ZNF536: variants seen among roughly 807,000 people sequenced by gnomAD.
The protein encoded by ZNF536 is zinc finger protein 536.
In ZNF536, 13 loss-of-function variants were observed where a neutral mutation model predicts 84.5. The ratio of observed to expected loss-of-function variants is 0.15; its 90% confidence interval spans 0.10 to 0.24. The LOEUF is 0.24. Ranked by LOEUF, ZNF536 falls within the 10% of genes least tolerant of loss-of-function variation. The pLI, the probability that ZNF536 is intolerant of heterozygous loss-of-function variation, is 1.00. For missense variants in ZNF536, 1,536 were observed against 1,747.5 expected (o/e 0.88, Z 2.16); for synonymous variants, 811 against 742.5 (o/e 1.09, Z -1.50).
At chr19:30,442,034 C>T (rs537460985) in intron 1 of ZNF536, among the ~76,000 whole-genome samples, 2 of 152,372 alleles carry the variant, frequency 1.3e-5, no homozygotes, top group East Asian at 3.9e-4. Context: ...TCAGTCCCGG[C>T]TGGGGTTAAG....
At chr19:30,576,207 C>T (rs887315259) in intron 1 of ZNF536, among the ~76,000 whole-genome samples, 2 of 152,156 alleles carry the variant, frequency 1.3e-5, no homozygotes, top group Non-Finnish European at 2.9e-5. Flanking sequence ...GGCTGCTGGG[C>T]GTGGGGGACC....
rs2146250323 is a variant in ZNF536 at position 30,549,320 on chromosome 19, A to C, written c.3701A>C (p.His1234Pro). The C allele has an allele frequency of 6.2e-7, 1 of 1,611,626 alleles. No individual in the cohort carries two copies. The highest frequency in any genetic ancestry group is 1.1e-5 in the South Asian group (1 of 90,898). The part of the protein sequence containing the change: ...PLSQAPEKQW[H>P]SQGLLQAQDP... ...TCCCAAGCACCGGAGAAGCAGTGGC[A>C]CAGCCAGGGTCTTCTCCAAGCCCAG... is the stretch of plus-strand genomic sequence containing the variant. The change falls in exon 4 of 5, where the codon CAC (histidine) becomes CCC (proline). Residue 1234 changes from histidine to proline, a missense_variant. Physicochemically the swap from His to Pro is moderately conservative, Grantham distance 77. Around this residue, in one of 8 missense-constraint regions of ZNF536, gnomAD observed 624 missense variants for 603.1 expected, o/e 1.03. Transcript: ENST00000355537.
chr19:30,712,229 G>A (rs889839582), exon 2 of ZNF536: 3 of 152,092 alleles, frequency 2.0e-5, no homozygotes, highest in Non-Finnish European at 4.4e-5. Flanking sequence ...GATTTTGAGT[G>A]TCAATAATGA....
intron 3 of ZNF536, among the ~76,000 whole-genome samples, chr19:30,357,852 C>A (rs978332421): frequency 1.3e-5 from 2 of 152,124 alleles, no homozygotes; most frequent in Non-Finnish European, 2.9e-5. Flanking sequence ...CCCACAGAGT[C>A]CAGCTGTGCT....
chr19:30,645,179 T>A (rs1430297287), intron 1 of ZNF536, among the ~76,000 whole-genome samples: 1 of 152,240 alleles, frequency 6.6e-6, no homozygotes, highest in Non-Finnish European at 1.5e-5. Flanking sequence ...TTGAGAAATG[T>A]CTGTTCATAT....
intron 3 of ZNF536, among the ~76,000 whole-genome samples, chr19:30,546,185 C>T (rs966976962): frequency 1.3e-5 from 2 of 152,218 alleles, no homozygotes; most frequent in African/African-American, 4.8e-5. Flanking sequence ...GGGATGTCTA[C>T]ATAGCAGTAG....
chr19:30,444,560 G>T lies in ZNF536; in HGVS notation c.998G>T (p.Gly333Val), dbSNP rs1243549683. Residue 333 changes from glycine (G) to valine (V), a missense_variant, in exon 2 of 5, where the codon GGC becomes GTC. Around this residue, in one of 8 missense-constraint regions of ZNF536, gnomAD observed 61 missense variants for 104.0 expected, o/e 0.59. Transcript: ENST00000355537. ...ACGGCCGAGTCGGCCCAGGGCCAGG[G>T]CCCCAACGGCGGTGGCGAGCAGTCG... ...HITAESAQGQ[G>V]PNGGGEQSAN... 3.7e-6 allele frequency: 6 copies of T among 1,613,464 alleles called. No homozygotes were observed. The highest frequency in any genetic ancestry group is 1.3e-5 in the African/African-American group (1 of 74,960).
intron 1 of ZNF536, among the ~76,000 whole-genome samples, chr19:30,701,817 T>A (rs1472586066): frequency 6.6e-6 from 1 of 152,226 alleles, no homozygotes; most frequent in Non-Finnish European, 1.5e-5. Flanking sequence ...GGATTTCATG[T>A]CTGTAAGGTG....
chr19:30,626,359 AT>A (rs71333462), intron 1 of ZNF536, among the ~76,000 whole-genome samples: 6,826 of 149,610 alleles, frequency 0.046, 202 homozygotes, highest in Middle Eastern at 0.078. Context: ...TCTGGGGGTT[AT>A]TTTTTTTTTC....
At chr19:30,459,559 C>G (rs2053037838) in intron 2 of ZNF536, among the ~76,000 whole-genome samples, 1 of 152,058 alleles carries the variant, frequency 6.6e-6, no homozygotes, top group South Asian at 2.1e-4. Context: ...CCATATTGGC[C>G]AGGCTGGTCT....
chr19:30,679,051 C>G (rs2050865634), intron 1 of ZNF536, among the ~76,000 whole-genome samples: 1 of 152,140 alleles, frequency 6.6e-6, no homozygotes, highest in African/African-American at 2.4e-5. Flanking sequence ...CCAGCCGAGA[C>G]ATGAGTAGAT....
chr19:30,388,162 G>A (rs780639135), intron 1 of ZNF536, among the ~76,000 whole-genome samples: 1 of 152,194 alleles, frequency 6.6e-6, no homozygotes, highest in Non-Finnish European at 1.5e-5. Flanking sequence ...ATTTCCCGGG[G>A]GAGTGAGTCA....
intron 1 of ZNF536, among the ~76,000 whole-genome samples, chr19:30,639,153 T>C (rs1440043111): frequency 6.6e-6 from 1 of 152,234 alleles, no homozygotes; most frequent in East Asian, 1.9e-4. Context: ...TTTTATCAAA[T>C]GTCAGACATG....
intron 1 of ZNF536, among the ~76,000 whole-genome samples, chr19:30,699,676 A>G (rs1003452062): frequency 3.9e-5 from 6 of 152,112 alleles, no homozygotes; most frequent in Non-Finnish European, 8.8e-5. Flanking sequence ...CTTTATGTAT[A>G]TTTTTACCTC....
chr19:30,333,747 G>A (rs560593472), intron 2 of ZNF536, among the ~76,000 whole-genome samples: 20 of 152,260 alleles, frequency 1.3e-4, no homozygotes, highest in African/African-American at 4.8e-4. Flanking sequence ...CGGACCCCAC[G>A]GAGACTAACC....
chr19:30,559,519 G>T (rs1430554053), downstream of ZNF536, among the ~76,000 whole-genome samples: 1 of 152,202 alleles, frequency 6.6e-6, no homozygotes, highest in Non-Finnish European at 1.5e-5. Context: ...TTTTTCTCGG[G>T]GCCTCTGTCC....
chr19:30,251,044 A>C (rs2024578993), intron 1 of ZNF536, among the ~76,000 whole-genome samples: 1 of 151,982 alleles, frequency 6.6e-6, no homozygotes, highest in Non-Finnish European at 1.5e-5. Flanking sequence ...TCTACAAAGA[A>C]CATGTGGGGT....
chr19:30,482,290 C>T (rs1172385788), intron 2 of ZNF536, among the ~76,000 whole-genome samples: 1 of 152,180 alleles, frequency 6.6e-6, no homozygotes, highest in Non-Finnish European at 1.5e-5. Context: ...GTTCTCGTAA[C>T]AGGTAACAGC....
At chr19:30,250,303 C>T (rs2024532500) in intron 1 of ZNF536, among the ~76,000 whole-genome samples, 1 of 152,192 alleles carries the variant, frequency 6.6e-6, no homozygotes, top group South Asian at 2.1e-4. Context: ...AACCCTTTCC[C>T]CTCTTGTTGA....
Sources: allele counts gnomAD v4.1 joint callset (sites outside exome capture counted in the v4.1 genomes callset), GRCh38; gene constraint gnomAD v4.1.1; regional missense constraint gnomAD v4.1.1; transcripts MANE v1.5; gene names NCBI Gene and HGNC (gene_info 2026-07-23, HGNC 2026-07-21).